ADAMTS7: variants seen among roughly 807,000 people sequenced by gnomAD.
ADAMTS7 encodes the protein ADAM metallopeptidase with thrombospondin type 1 motif 7.
Under a neutral mutation model 172.6 loss-of-function variants are expected in ADAMTS7, and 89 were observed. That is an observed-to-expected ratio of 0.52 (90% CI 0.43 to 0.61). ADAMTS7 has a LOEUF of 0.61. Ranked by LOEUF, ADAMTS7 falls within the 20% of genes least tolerant of loss-of-function variation. The pLI, the probability that ADAMTS7 is intolerant of heterozygous loss-of-function variation, is 0.00. For synonymous variants in ADAMTS7, 885 were observed against 978.4 expected (o/e 0.90, Z 1.78); for missense variants, 1,973 against 2,355.6 (o/e 0.84, Z 3.36).
At chr15:78,775,930 G>A (rs1391440638) in intron 11 of ADAMTS7, among the ~76,000 whole-genome samples, 1 of 152,186 alleles carries the variant, frequency 6.6e-6, no homozygotes, top group African/African-American at 2.4e-5. Flanking sequence ...CAGCTGCTTT[G>A]CCATGTGGCC....
intron 8 of ADAMTS7, among the ~76,000 whole-genome samples, chr15:78,777,957 C>G (rs566592845): frequency 7.9e-5 from 12 of 152,166 alleles, no homozygotes; most frequent in Non-Finnish European, 1.6e-4. Flanking sequence ...GAGCCAGGCC[C>G]GACAAGGATC....
At position 78,778,320 on chromosome 15, in the gene ADAMTS7, A is replaced by G. The variant is rs181894531; in HGVS notation, c.1323-732T>C. On this transcript the variant is annotated intron_variant, in intron 8 of 23. Coordinates refer to ENST00000388820, the MANE Select transcript of ADAMTS7 (RefSeq NM_014272.5). ...AACACCATGAGGCAGGAAGCATGGA[A>G]GCAGGGACCCTGGGGAGGGCGGCCC... Among the ~76,000 whole-genome samples the G allele has an allele frequency of 1.9e-3, 292 of 152,368 alleles. 1 individual carries two copies. The highest frequency in any genetic ancestry group is 6.5e-3 in the African/African-American group (272 of 41,598).
In ADAMTS7 at chr15:78,766,679, A is replaced by G. The variant is rs199873382; in HGVS notation, c.3232T>C (p.Tyr1078His). ...NFINFHEDLS[Y>H]GPSEEPDLDL... ...AGATCGGGCTCCTCAGAGGGCCCGT[A>G]GGACAGATCCTCGTGGAAATTGATG... Residue 1078 changes from tyrosine to histidine, a missense_variant, in exon 19 of 24, where the codon TAC (tyrosine) becomes CAC (histidine). Physicochemically the swap from Tyr to His is moderately conservative, Grantham distance 83. Around this residue, in one of 8 missense-constraint regions of ADAMTS7, gnomAD observed 771 missense variants for 952.6 expected, o/e 0.81. Transcript: ENST00000388820. 1.1e-4 allele frequency: 170 copies of G among 1,609,592 alleles called. 4 individuals carry two copies. In the South Asian group the frequency reaches 1.8e-3, roughly 17 times the overall value.
At chr15:78,776,931 G>A in intron 9 of ADAMTS7, 90 bp from the exon 10 acceptor site, 1 of 1,078,864 alleles carries the variant, frequency 9.3e-7, no homozygotes, top group Non-Finnish European at 1.3e-6. Flanking sequence ...AGGGTCCCCT[G>A]GGCACCCCTC....
rs1567220670 is a variant in ADAMTS7 at position 78,777,417 on chromosome 15, C to T, written c.1467+27G>A. The T allele has an allele frequency of 2.5e-6, 4 of 1,606,966 alleles. No homozygotes were observed. The Admixed American group carries it at 5.0e-5, about 20-fold the overall frequency. ...GAGCCCTCCTGCCGGGTCCCCACAC[C>T]CCCACACCCACACCGGCCCCACTCA... On this transcript the variant is annotated intron_variant, in intron 9 of 23. Coordinates refer to ENST00000388820, the MANE Select transcript of ADAMTS7 (RefSeq NM_014272.5).
rs551751878 is a variant in ADAMTS7, at chr15:78,792,815, A to AAAAGAAAG, written c.820-1600_820-1593dup. Among the ~76,000 whole-genome samples, 229 of 152,134 alleles carry AAAAGAAAG rather than the reference A, an allele frequency of 1.5e-3. 1 individual carries two copies. Among genetic ancestry groups the AAAAGAAAG allele is most frequent in the African/African-American group, 3.5e-3 (147 of 41,518 alleles). On this transcript the variant is annotated intron_variant, in intron 4 of 23. Coordinates refer to ENST00000388820, the MANE Select transcript of ADAMTS7 (RefSeq NM_014272.5). ...GGCGACAGAGCAAGACTCCATCTCCAAAAGAAAGAAAGAAAGAAAGAGAGA... is the reference window on the plus strand; with the variant it reads ...GGCGACAGAGCAAGACTCCATCTCCAAAAGAAAGAAAGAAAGAAAGAAAGAAAGAGAGA...
Position 78,766,047 on chromosome 15 carries a change from C to T in ADAMTS7, c.3864G>A (p.Gly1288=). Residue 1288 remains glycine (G), a synonymous_variant, in exon 19 of 24, where the codon GGG becomes GGA. Transcript: ENST00000388820. ...TGGGAGGAGGAAGGAGAGAAGCCAC[C>T]CCAACAGTGGGCCACAGTTCACTGT... ...PVDSELWPTV[G]VASLLPPPIA... 1.9e-6 allele frequency: 3 copies of T among 1,605,714 alleles called. No individual in the cohort carries two copies. Among genetic ancestry groups the T allele is most frequent in the East Asian group, 2.4e-5 (1 of 41,436 alleles).
chr15:78,772,058 A>C (rs2055260387), intron 14 of ADAMTS7, among the ~76,000 whole-genome samples: 1 of 152,036 alleles, frequency 6.6e-6, no homozygotes, highest in Non-Finnish European at 1.5e-5. Flanking sequence ...GGGGACCTAC[A>C]CTGGTCTCAT....
Position 78,763,688 on chromosome 15 carries a change from G to A in ADAMTS7, c.4740+11C>T. 1.3e-6 allele frequency: 2 copies of A among 1,523,120 alleles called. No individual in the cohort carries two copies. Among genetic ancestry groups the A allele is most frequent in the South Asian group, 1.3e-5 (1 of 79,468 alleles). The allele number at this position is 1,523,120 out of a possible 1,614,324, so 94.4% of individuals were successfully genotyped here. On this transcript the variant is annotated intron_variant, in intron 22 of 23. Coordinates refer to ENST00000388820, the MANE Select transcript of ADAMTS7 (RefSeq NM_014272.5). ...CACTTGCTCCCTGCTCCTCCCCGCA[G>A]CCCGGCTCACCTGGCCCCAGGGCCC...
At position 78,786,736 on chromosome 15, in the gene ADAMTS7, C is replaced by T. The variant is rs548200140; in HGVS notation, c.1322+1495G>A. Among the ~76,000 whole-genome samples the T allele has an allele frequency of 2.6e-5, 4 of 152,332 alleles. No homozygotes were observed. In the South Asian group the frequency reaches 8.3e-4, roughly 32 times the overall value. On this transcript the variant is annotated intron_variant, in intron 8 of 23. Transcript: ENST00000388820. ...CAGTTGAGATAATTTTATTCTGTTT[C>T]ATCCTCTGGTAAATATGAGCTACAA...
chr15:78,801,707 T>C (rs1425120783), intron 1 of ADAMTS7, among the ~76,000 whole-genome samples: 1 of 152,158 alleles, frequency 6.6e-6, no homozygotes, highest in Non-Finnish European at 1.5e-5. Context: ...AAATGGGTTC[T>C]TGCTCTGTCA....
intron 4 of ADAMTS7, among the ~76,000 whole-genome samples, chr15:78,793,028 G>T (rs2055601497): frequency 6.6e-6 from 1 of 152,172 alleles, no homozygotes; most frequent in South Asian, 2.1e-4. Flanking sequence ...CTGTGGGTCA[G>T]ATACTGCAGC....
intron 23 of ADAMTS7, among the ~76,000 whole-genome samples, chr15:78,761,609 A>G (rs1266232038): frequency 6.6e-6 from 1 of 152,188 alleles, no homozygotes. Context: ...TGAGAGGGAA[A>G]TGGAGCCCAA....
chr15:78,759,298 TC>T lies in ADAMTS7; in HGVS notation c.*122del, dbSNP rs2055000887. The T allele has an allele frequency of 5.3e-5, 47 of 890,498 alleles. No individual in the cohort carries two copies. In the South Asian group the frequency reaches 1.0e-3, roughly 20 times the overall value. The allele number at this position is 890,498 out of a possible 1,614,324, so 55.2% of individuals were successfully genotyped here. ...AATACCTTTTTTGAGGGGGAGGAGG[TC>T]CCCAGCCTGCTGCTGGGTAGTGAGA... On this transcript the variant is annotated 3_prime_UTR_variant, in exon 24 of 24. Transcript: ENST00000388820.
intron 17 of ADAMTS7, 34 bp downstream of exon 17, chr15:78,768,099 G>A (rs1433390389): frequency 2.0e-6 from 3 of 1,517,122 alleles, no homozygotes; most frequent in Non-Finnish European, 2.7e-6. Flanking sequence ...GGGGGATGGG[G>A]TGGGGAGTTG....
At position 78,766,575 on chromosome 15, in the gene ADAMTS7, AGGCACGG is replaced by A. The variant is rs1567206575; in HGVS notation, c.3329_3335del (p.Pro1110LeufsTer42). The stretch of plus-strand genomic sequence containing the variant: ...CCTTGGCTGCAGGAGGCTCTGTGGC[AGGCACGG>A]GGCTACCCGTGGAGGGCGCAGCAGG... On this transcript the variant is annotated frameshift_variant, in exon 19 of 24. Coordinates refer to ENST00000388820, the MANE Select transcript of ADAMTS7 (RefSeq NM_014272.5). LOFTEE classifies it high-confidence loss of function. 1 of 1,604,210 alleles carries A rather than the reference AGGCACGG, an allele frequency of 6.2e-7. No individual in the cohort carries two copies. Among genetic ancestry groups the A allele is most frequent in the East Asian group, 2.2e-5 (1 of 44,840 alleles).
chr15:78,788,318 G>A lies in ADAMTS7; in HGVS notation c.1235C>T (p.Pro412Leu), dbSNP rs1385531975. ...GNDCEPVGKR[P>L]FIMSPQLLYD... ...CAGGAGCTGTGGAGACATGATGAAA[G>A]GTCGTTTCCCAACGGGCTCACAGTC... The change falls in exon 8 of 24, where the codon CCT becomes CTT. Residue 412 changes from proline to leucine, a missense_variant. Pro to Leu is a moderately conservative substitution (Grantham distance 98). Coordinates refer to ENST00000388820, the MANE Select transcript of ADAMTS7 (RefSeq NM_014272.5). 8 of 1,613,664 alleles carry A rather than the reference G, an allele frequency of 5.0e-6. No homozygotes were observed. The highest frequency in any genetic ancestry group is 1.7e-6 in the Non-Finnish European group (2 of 1,180,016).
Position 78,789,679 on chromosome 15 carries a change from G to A in ADAMTS7, c.1178+10C>T, listed in dbSNP as rs1252711901. ...GGCTCTCAGTGTAGCAATGGGGGCA[G>A]GCACAGTACCTGTGCCCGAGCTCGT... On this transcript the variant is annotated intron_variant, in intron 7 of 23. Transcript: ENST00000388820. 1 of 1,613,448 alleles carries A rather than the reference G, an allele frequency of 6.2e-7. No individual in the cohort carries two copies. The highest frequency in any genetic ancestry group is 2.2e-5 in the East Asian group (1 of 44,878).
At position 78,800,381 on chromosome 15, in the gene ADAMTS7, G is replaced by C; in HGVS notation, c.267C>G (p.Arg89=). The change falls in exon 2 of 24, where the codon CGC becomes CGG. Residue 89 remains arginine (R), a synonymous_variant. Coordinates refer to ENST00000388820, the MANE Select transcript of ADAMTS7 (RefSeq NM_014272.5). ...PAFYELQYRG[R]ELRFNLTANQ... ...TGGCGGTCAGGTTGAAGCGCAGCTCGCGCCCGCGGTATTGTAGCTCGTAGA... is the reference window on the plus strand; with the variant it reads ...TGGCGGTCAGGTTGAAGCGCAGCTCCCGCCCGCGGTATTGTAGCTCGTAGA... 4 of 1,606,048 alleles carry C rather than the reference G, an allele frequency of 2.5e-6. No individual in the cohort carries two copies. Among genetic ancestry groups the C allele is most frequent in the South Asian group, 1.1e-5 (1 of 90,530 alleles).
Sources: gnomAD v4.1 joint callset for allele counts (sites outside exome capture counted in the v4.1 genomes callset) on GRCh38, gnomAD v4.1.1 for gene constraint, gnomAD v4.1.1 regional missense constraint, MANE v1.5 for transcripts, NCBI Gene and HGNC (gene_info 2026-07-23, HGNC 2026-07-21) for gene names.